The following CDKL4 variants were observed in gnomAD, a reference collection of about 807,000 sequenced individuals.
The protein encoded by CDKL4 is cyclin dependent kinase like 4.
A neutral mutation model predicts 42.0 loss-of-function variants in CDKL4; 44 were observed. That is an observed-to-expected ratio of 1.05 (90% CI 0.82 to 1.35). The LOEUF is 1.35. Among genes scored for constraint, CDKL4 ranks in the 40% most tolerant of loss-of-function variants. CDKL4 has a pLI of 0.00. For synonymous variants in CDKL4, 120 were observed against 121.6 expected (o/e 0.99, Z 0.09); for missense variants, 393 against 369.9 (o/e 1.06, Z -0.51).
intron 1 of CDKL4, among the ~76,000 whole-genome samples, chr2:39,235,216 C>A (rs934024813): frequency 1.3e-5 from 2 of 152,062 alleles, no homozygotes; most frequent in African/African-American, 4.8e-5. Context: ...GAATACTGTA[C>A]CCCATAGTCC....
At chr2:39,206,993 T>C (rs1324340722) in intron 4 of CDKL4, among the ~76,000 whole-genome samples, 1 of 152,152 alleles carries the variant, frequency 6.6e-6, no homozygotes, top group Non-Finnish European at 1.5e-5. Flanking sequence ...TCCTATTTAG[T>C]CTCAATTACT....
chr2:39,232,814 G>A (rs1401478062), intron 1 of CDKL4, among the ~76,000 whole-genome samples: 1 of 152,038 alleles, frequency 6.6e-6, no homozygotes, highest in African/African-American at 2.4e-5. Context: ...GGGAGGCTGA[G>A]GCGGGCGGAT....
intron 3 of CDKL4, among the ~76,000 whole-genome samples, chr2:39,216,778 G>C (rs1677945744): frequency 6.6e-6 from 1 of 152,158 alleles, no homozygotes; most frequent in Non-Finnish European, 1.5e-5. Flanking sequence ...GTAGGGGCTA[G>C]GATTGAGAAA....
Position 39,181,880 on chromosome 2 carries a change from A to C in CDKL4, c.793-2559T>G, listed in dbSNP as rs140156765. 4.1e-3 allele frequency among the ~76,000 whole-genome samples: 621 copies of C among 152,346 alleles called. 7 individuals carry two copies. The highest frequency in any genetic ancestry group is 0.014 in the African/African-American group (583 of 41,582). ...CAATACCTGAAAAAGCAATACAGCC[A>C]CTGTACCCTTGCCACCTCTTCTACT... On this transcript the variant is annotated intron_variant, in intron 8 of 9. Coordinates refer to ENST00000451199, the Ensembl canonical transcript of CDKL4.
intron 5 of CDKL4, among the ~76,000 whole-genome samples, chr2:39,203,588 A>G (rs1404543982): frequency 1.3e-5 from 2 of 152,144 alleles, no homozygotes; most frequent in Non-Finnish European, 2.9e-5. Flanking sequence ...TTGAGATCAT[A>G]CTGAATACAT....
At chr2:39,225,347 G>C (rs1678633836) in intron 3 of CDKL4, among the ~76,000 whole-genome samples, 1 of 151,792 alleles carries the variant, frequency 6.6e-6, no homozygotes, top group African/African-American at 2.4e-5. Context: ...GGAGGTTGCA[G>C]TGAGCTGAGA....
chr2:39,174,578 T>C (rs997631537), downstream of CDKL4, among the ~76,000 whole-genome samples: 11 of 152,320 alleles, frequency 7.2e-5, no homozygotes, highest in African/African-American at 2.4e-4. Flanking sequence ...CAACAATATA[T>C]CCTTAACTCT....
intron 2 of CDKL4, among the ~76,000 whole-genome samples, chr2:39,227,832 G>A (rs972371830): frequency 6.6e-6 from 1 of 152,174 alleles, no homozygotes; most frequent in Non-Finnish European, 1.5e-5. Flanking sequence ...AATTTATACC[G>A]CCTTTGCAAA....
intron 5 of CDKL4, among the ~76,000 whole-genome samples, chr2:39,203,376 A>G (rs370873588): frequency 1.8e-4 from 27 of 152,262 alleles, no homozygotes; most frequent in African/African-American, 6.0e-4. Context: ...TAATGCTTGT[A>G]ATGGCGTATC....
upstream of CDKL4, among the ~76,000 whole-genome samples, chr2:39,243,976 C>T (rs1180336673): frequency 6.6e-6 from 1 of 152,230 alleles, no homozygotes; most frequent in South Asian, 2.1e-4. Context: ...CCAGCGACTT[C>T]GGAGCCAGCG....
intron 5 of CDKL4, among the ~76,000 whole-genome samples, chr2:39,199,023 A>C (rs1009612081): frequency 4.6e-5 from 7 of 152,038 alleles, no homozygotes; most frequent in Non-Finnish European, 7.4e-5. Context: ...AACAAAAAAA[A>C]CCCACAAAAG....
At chr2:39,214,762 T>C (rs965284888) in intron 3 of CDKL4, among the ~76,000 whole-genome samples, 3 of 152,186 alleles carry the variant, frequency 2.0e-5, no homozygotes. Flanking sequence ...TACTTGTCCC[T>C]GTAAGCAGAT....
At chr2:39,235,668 G>A (rs1249569155) in intron 1 of CDKL4, among the ~76,000 whole-genome samples, 1 of 152,144 alleles carries the variant, frequency 6.6e-6, no homozygotes, top group Admixed American at 6.5e-5. Flanking sequence ...GATGGTTTGA[G>A]CCTGGGAGTT....
At chr2:39,201,039 T>C (rs943880847) in intron 5 of CDKL4, among the ~76,000 whole-genome samples, 1 of 152,116 alleles carries the variant, frequency 6.6e-6, no homozygotes, top group African/African-American at 2.4e-5. Context: ...CAACCCACAG[T>C]GTGGGAGAAA....
At chr2:39,184,489 C>T in intron 8 of CDKL4, 102 bp downstream of exon 8, 1 of 693,330 alleles carries the variant, frequency 1.4e-6, no homozygotes, top group Non-Finnish European at 2.5e-6. Context: ...TGACTACATC[C>T]TATTTTGGCA....
intron 5 of CDKL4, among the ~76,000 whole-genome samples, chr2:39,202,870 C>G (rs1292298307): frequency 6.6e-6 from 1 of 152,236 alleles, no homozygotes; most frequent in Non-Finnish European, 1.5e-5. Flanking sequence ...CCAGCAATGA[C>G]TCATACCAGT....
chr2:39,217,087 G>A (rs138379969), intron 3 of CDKL4, among the ~76,000 whole-genome samples: 75 of 152,220 alleles, frequency 4.9e-4, no homozygotes, highest in African/African-American at 1.8e-3. Context: ...TCGACGCGGC[G>A]CCCAGTCCAG....
intron 9 of CDKL4, 122 bp from the exon 10 acceptor site, chr2:39,176,218 A>G (rs977830607): frequency 3.0e-6 from 1 of 335,084 alleles, no homozygotes; most frequent in Non-Finnish European, 6.0e-6. Flanking sequence ...AAAGACATCA[A>G]TTTTAAAATT....
chr2:39,241,359 G>C (rs1230290922), intron 1 of CDKL4, among the ~76,000 whole-genome samples: 1 of 152,104 alleles, frequency 6.6e-6, no homozygotes, highest in South Asian at 2.1e-4. Flanking sequence ...CACTCTTATT[G>C]CCAGCTTGAA....
Sources: gnomAD v4.1 joint callset for allele counts (sites outside exome capture counted in the v4.1 genomes callset) on GRCh38, gnomAD v4.1.1 for gene constraint, MANE v1.5 for transcripts, NCBI Gene and HGNC (gene_info 2026-07-23, HGNC 2026-07-21) for gene names.